Variants in RIMS2 observed in about 807,000 individuals in gnomAD.
RIMS2 encodes regulating synaptic membrane exocytosis protein 2.
In RIMS2, 59 loss-of-function variants were observed where a neutral mutation model predicts 174.4. That is an observed-to-expected ratio of 0.34 (90% confidence interval 0.27 to 0.42). The LOEUF is 0.42. Ranked by LOEUF, RIMS2 falls within the 10% of genes least tolerant of loss-of-function variation. RIMS2 has a pLI of 1.00. For missense variants in RIMS2, 1,620 were observed against 1,666.3 expected (o/e 0.97, Z 0.48); for synonymous variants, 606 against 572.5 (o/e 1.06, Z -0.84).
At chr8:103,973,019 T>A (rs1438602274) in intron 15 of RIMS2, among the ~76,000 whole-genome samples, 1 of 152,222 alleles carries the variant, frequency 6.6e-6, no homozygotes, top group Non-Finnish European at 1.5e-5. Flanking sequence ...TAGAAGAACA[T>A]TCCATCATTT....
intron 1 of RIMS2, among the ~76,000 whole-genome samples, chr8:103,630,537 C>T (rs1217284464): frequency 6.7e-6 from 1 of 148,316 alleles, no homozygotes; most frequent in Non-Finnish European, 1.5e-5. Flanking sequence ...CCGAGATCGT[C>T]CCATTGCACT....
chr8:103,664,604 A>G (rs999030138), intron 1 of RIMS2, among the ~76,000 whole-genome samples: 15 of 152,228 alleles, frequency 9.9e-5, no homozygotes, highest in Non-Finnish European at 1.5e-4. Flanking sequence ...TAGAATGGCA[A>G]TCATTAAAAA....
At chr8:103,711,291 G>A (rs1250391748) in intron 2 of RIMS2, among the ~76,000 whole-genome samples, 1 of 152,190 alleles carries the variant, frequency 6.6e-6, no homozygotes, top group African/African-American at 2.4e-5. Context: ...GGAGAGTTCA[G>A]AGGCAAAGCA....
intron 1 of RIMS2, among the ~76,000 whole-genome samples, chr8:103,643,089 A>G (rs2096262315): frequency 6.6e-6 from 1 of 151,740 alleles, no homozygotes; most frequent in African/African-American, 2.4e-5. Context: ...ATGCTGTTCC[A>G]TCTTTTTCAC....
At chr8:104,048,957 C>G in intron 19 of RIMS2, among the ~76,000 whole-genome samples, 1 of 151,954 alleles carries the variant, frequency 6.6e-6, no homozygotes, top group East Asian at 1.9e-4. Flanking sequence ...CATCAGTAAC[C>G]TGTAATGATG....
intron 1 of RIMS2, among the ~76,000 whole-genome samples, chr8:103,506,706 T>C (rs1032921733): frequency 6.6e-6 from 1 of 152,182 alleles, no homozygotes; most frequent in Non-Finnish European, 1.5e-5. Flanking sequence ...TTCTAAAAAT[T>C]GAGAGATTCT....
chr8:103,581,077 C>G (rs2093592452), intron 1 of RIMS2, among the ~76,000 whole-genome samples: 2 of 151,930 alleles, frequency 1.3e-5, no homozygotes, highest in Admixed American at 1.3e-4. Context: ...CTCGGCCTCC[C>G]AAAGTTCTGG....
intron 1 of RIMS2, among the ~76,000 whole-genome samples, chr8:103,624,258 C>T (rs2095719179): frequency 6.6e-6 from 1 of 152,186 alleles, no homozygotes; most frequent in African/African-American, 2.4e-5. Context: ...TTGCATTATG[C>T]AATCAGTTGA....
chr8:103,943,017 A>C (rs2082894020), intron 14 of RIMS2, 91 bp downstream of exon 16: 10 of 891,634 alleles, frequency 1.1e-5, no homozygotes, highest in Non-Finnish European at 1.7e-5. Context: ...TATCTTTGTG[A>C]ATATTAATAG....
intron 1 of RIMS2, among the ~76,000 whole-genome samples, chr8:103,653,067 T>C (rs546650140): frequency 6.6e-6 from 1 of 152,306 alleles, no homozygotes; most frequent in East Asian, 1.9e-4. Context: ...ATTCAATCTT[T>C]AGTCAAATAG....
intron 19 of RIMS2, among the ~76,000 whole-genome samples, chr8:104,101,834 C>T (rs754957236): frequency 3.9e-5 from 6 of 152,110 alleles, no homozygotes; most frequent in Non-Finnish European, 7.4e-5. Context: ...ATCAGGCAAA[C>T]TTTATTTAGA....
At chr8:104,123,502 A>G (rs970750974) in intron 19 of RIMS2, among the ~76,000 whole-genome samples, 6 of 152,042 alleles carry the variant, frequency 3.9e-5, no homozygotes, top group African/African-American at 1.4e-4. Flanking sequence ...ATTTTTGATT[A>G]TGTGCATCAT....
At chr8:103,605,785 C>G (rs1379058904) in intron 1 of RIMS2, among the ~76,000 whole-genome samples, 2 of 151,976 alleles carry the variant, frequency 1.3e-5, no homozygotes, top group Non-Finnish European at 2.9e-5. Flanking sequence ...AGTTTATTTG[C>G]ATAGAGGTGT....
intron 4 of RIMS2, among the ~76,000 whole-genome samples, chr8:103,890,624 G>A (rs1038585632): frequency 2.0e-5 from 3 of 151,798 alleles, no homozygotes; most frequent in African/African-American, 4.8e-5. Flanking sequence ...TAAATTGATC[G>A]CTTTCCCATA....
At chr8:103,770,513 T>C (rs963147312) in intron 3 of RIMS2, among the ~76,000 whole-genome samples, 6 of 151,978 alleles carry the variant, frequency 3.9e-5, no homozygotes, top group Non-Finnish European at 8.8e-5. Context: ...AAGCTGGAGG[T>C]TGCAGTGAGC....
chr8:103,899,697 T>C (rs1271851356), intron 4 of RIMS2, among the ~76,000 whole-genome samples: 4 of 151,816 alleles, frequency 2.6e-5, no homozygotes, highest in Non-Finnish European at 4.4e-5. Flanking sequence ...GTAGTTTCTT[T>C]TGCTGTGCAG....
chr8:103,950,298 A>G (rs2085034578), intron 14 of RIMS2, among the ~76,000 whole-genome samples: 1 of 152,196 alleles, frequency 6.6e-6, no homozygotes, highest in Non-Finnish European at 1.5e-5. Flanking sequence ...TCTAATACCA[A>G]CAACTAACAT....
At chr8:103,776,438 G>C (rs1449910938) in intron 3 of RIMS2, among the ~76,000 whole-genome samples, 4 of 152,056 alleles carry the variant, frequency 2.6e-5, no homozygotes, top group Admixed American at 2.6e-4. Context: ...ATAAATTAGG[G>C]TAGGAAATAG....
At chr8:103,876,316 A>C (rs1277392858) in intron 3 of RIMS2, among the ~76,000 whole-genome samples, 2 of 151,814 alleles carry the variant, frequency 1.3e-5, no homozygotes, top group Non-Finnish European at 2.9e-5. Flanking sequence ...CATTATTCTG[A>C]ATGTGGCTAT....
Sources: allele counts gnomAD v4.1 joint callset (sites outside exome capture counted in the v4.1 genomes callset), GRCh38; gene constraint gnomAD v4.1.1; transcripts MANE v1.5; gene names NCBI Gene and HGNC (gene_info 2026-07-23, HGNC 2026-07-21).